Variants in PPFIA3 observed in about 807,000 individuals in gnomAD.
The protein encoded by PPFIA3 is liprin-alpha-3.
PPFIA3 carries 26 observed loss-of-function variants against 145.8 expected under a neutral mutation model. The observed-to-expected ratio is 0.18, with a 90% confidence interval of 0.13 to 0.25. The LOEUF (loss-of-function observed/expected upper bound fraction) is 0.25, where lower values mean the gene tolerates loss of function less well. Among genes scored for constraint, PPFIA3 ranks in the 10% least tolerant of loss-of-function variants. PPFIA3 has a pLI of 1.00. For synonymous variants in PPFIA3, 645 were observed against 661.4 expected (o/e 0.98, Z 0.38); for missense variants, 1,008 against 1,587.8 (o/e 0.63, Z 6.21).
In PPFIA3 at chr19:49,142,908, C is replaced by T; in HGVS notation, c.2649C>T (p.Ile883=). The T allele has an allele frequency of 6.2e-7, 1 of 1,613,902 alleles. No homozygotes were observed. The highest frequency in any genetic ancestry group is 1.7e-5 in the Admixed American group (1 of 60,010). ...CAGACACGGAGATCCAGCGCGAGAT[C>T]GGCATCAGCAACCCGCTGCACCGAC... ...NLSDTEIQRE[I]GISNPLHRLK... The change falls in exon 21 of 30, where the codon ATC becomes ATT. Residue 883 remains isoleucine, a synonymous_variant. Transcript: ENST00000334186.
At chr19:49,138,481 G>A in intron 16 of PPFIA3, 54 bp downstream of exon 16, 1 of 1,401,478 alleles carries the variant, frequency 7.1e-7, no homozygotes, top group Non-Finnish European at 9.4e-7. Flanking sequence ...GAGGTCAGAG[G>A]CAGGGCTCCC....
At chr19:49,136,654 A>G in intron 14 of PPFIA3, 70 bp from the exon 15 acceptor site, 1 of 1,124,532 alleles carries the variant, frequency 8.9e-7, no homozygotes, top group Non-Finnish European at 1.2e-6. Context: ...AGTCAGGATC[A>G]TGAGCCAAGA....
At position 49,130,246 on chromosome 19, in the gene PPFIA3, C is replaced by T. The variant is rs111849024; in HGVS notation, c.658-132C>T. 8.8e-7 allele frequency: 1 copy of T among 1,138,886 alleles called. No homozygotes were observed. The highest frequency in any genetic ancestry group is 1.6e-5 in the African/African-American group (1 of 64,102). 70.5% of individuals were successfully genotyped at this position (1,138,886 alleles called of 1,614,324 possible). On this transcript the variant is annotated intron_variant, in intron 6 of 29. Transcript: ENST00000334186. This position sits in a 1 kb window ranked among gnomAD's most constrained non-coding sequence, Gnocchi z 4.5. ...GAACTTCTGTGACCTCCTTCACTGA[C>T]CCCCGTGGACTCTGACCAGCATGAT... is the stretch of plus-strand genomic sequence containing the variant.
chr19:49,134,460 T>A (rs557371012), intron 11 of PPFIA3, among the ~76,000 whole-genome samples, 179 bp from the exon 12 acceptor site: 2 of 152,262 alleles, frequency 1.3e-5, no homozygotes, highest in East Asian at 3.9e-4. Context: ...GGACGTCGCA[T>A]CCCGGGGCTT....
At position 49,146,082 on chromosome 19, in the gene PPFIA3, C is replaced by A. The variant is rs905153132; in HGVS notation, c.2808+77C>A. On this transcript the variant is annotated intron_variant, in intron 22 of 29. Transcript: ENST00000334186. ...GTGGGGGCGGGGACCGAGTCTGTGG[C>A]CATCCCTAAGTCCGCTCCTTGCGTC... 3 of 1,606,238 alleles carry A rather than the reference C, an allele frequency of 1.9e-6. No homozygotes were observed. In the South Asian group the frequency reaches 3.3e-5, roughly 18 times the overall value.
chr19:49,143,465 C>T (rs62127948), intron 21 of PPFIA3, among the ~76,000 whole-genome samples: 3 of 152,056 alleles, frequency 2.0e-5, no homozygotes, highest in East Asian at 3.9e-4. Context: ...CCCTGCCTCC[C>T]GGGTTCAAGC....
At chr19:49,148,010 A>G in intron 23 of PPFIA3, 73 bp from the exon 24 acceptor site, 1 of 1,474,454 alleles carries the variant, frequency 6.8e-7, no homozygotes. Flanking sequence ...GGGAGGTTGG[A>G]CTGTACCCCT....
Position 49,129,395 on chromosome 19 carries a change from C to T in PPFIA3, c.523C>T (p.Arg175Trp), listed in dbSNP as rs1433421897. ...ALDEKVRERL[R>W]MALERVAVLE... ...CGATCCCCAGGTCCGGGAGCGGCTG[C>T]GGATGGCGCTGGAGCGCGTGGCAGT... Residue 175 changes from arginine (R) to tryptophan (W), a missense_variant, in exon 5 of 30, where the codon CGG becomes TGG. Physicochemically the swap from Arg to Trp is moderately radical, Grantham distance 101. Transcript: ENST00000334186. 2 of 1,550,698 alleles carry T rather than the reference C, an allele frequency of 1.3e-6. No individual in the cohort carries two copies. Among genetic ancestry groups the T allele is most frequent in the Non-Finnish European group, 8.7e-7 (1 of 1,147,408 alleles).
At chr19:49,142,703 C>G (rs1166635363) in intron 20 of PPFIA3, 101 bp from the exon 21 acceptor site, 2 of 1,034,296 alleles carry the variant, frequency 1.9e-6, no homozygotes, top group African/African-American at 1.6e-5. Flanking sequence ...TGTTTCGCTC[C>G]CCACCCCCTT....
In PPFIA3 at chr19:49,149,253, C is replaced by G; in HGVS notation, c.3286-4C>G. On this transcript the variant is annotated splice_polypyrimidine_tract_variant and splice_region_variant and intron_variant, in intron 26 of 29. Transcript: ENST00000334186. The surrounding 1 kb of genome is among the most constrained non-coding windows in gnomAD (Gnocchi z 5.7). ...CAACCGCCCCCTCCACCTCCTCTTT[C>G]CAGGCCCGGCAGCTTCTGGAGAAGG... 6.2e-7 allele frequency: 1 copy of G among 1,614,230 alleles called. No individual in the cohort carries two copies. Among genetic ancestry groups the G allele is most frequent in the Non-Finnish European group, 8.5e-7 (1 of 1,180,048 alleles).
At chr19:49,137,554 C>T (rs558574341) in intron 15 of PPFIA3, among the ~76,000 whole-genome samples, 28 of 139,178 alleles carry the variant, frequency 2.0e-4, no homozygotes, top group African/African-American at 6.9e-4. Flanking sequence ...GGCATGAACC[C>T]GGGAGGCGGA....
Position 49,146,424 on chromosome 19 carries a change from A to G in PPFIA3, c.2835+232A>G, listed in dbSNP as rs1488152377. 4 of 592,582 alleles carry G rather than the reference A, an allele frequency of 6.8e-6. No individual in the cohort carries two copies. The East Asian group carries it at 8.5e-5, about 13-fold the overall frequency. 36.7% of individuals were successfully genotyped at this position (592,582 alleles called of 1,614,324 possible). A position where few individuals can be genotyped will look rare whatever the true frequency, so the allele number is the denominator to read the frequency against. On this transcript the variant is annotated intron_variant, in intron 23 of 29. Transcript: ENST00000334186. ...GCATAGTCAGCCTTATGCATGGACC[A>G]TTTCATCATCGTGGGTTGTGGGGGC...
At chr19:49,144,933 T>TC (rs1384689371) in intron 21 of PPFIA3, among the ~76,000 whole-genome samples, 2 of 124,022 alleles carry the variant, frequency 1.6e-5, no homozygotes, top group African/African-American at 7.0e-5. Flanking sequence ...CTTTTCTTTC[T>TC]TTTTTTTTTT....
At chr19:49,134,234 C>G (rs2041110489) in intron 11 of PPFIA3, 69 bp downstream of exon 11, 2 of 1,533,378 alleles carry the variant, frequency 1.3e-6, no homozygotes, top group Admixed American at 2.1e-5. Flanking sequence ...TCCTGGGGCC[C>G]CAGGCCTTTC....
chr19:49,127,625 C>T (rs1206975818), intron 1 of PPFIA3, among the ~76,000 whole-genome samples: 1 of 151,832 alleles, frequency 6.6e-6, no homozygotes, highest in Non-Finnish European at 1.5e-5. Context: ...TAATAGGCCT[C>T]AGTTTCCCCT....
chr19:49,139,552 T>C, intron 16 of PPFIA3, 116 bp from the exon 17 acceptor site: 1 of 1,004,316 alleles, frequency 1.0e-6, no homozygotes, highest in Non-Finnish European at 1.4e-6. Flanking sequence ...TACCTTCGTA[T>C]ACTGTGTTCT....
Position 49,133,853 on chromosome 19 carries a change from G to A in PPFIA3, c.1219G>A (p.Glu407Lys). The A allele has an allele frequency of 6.2e-7, 1 of 1,613,252 alleles. No homozygotes were observed. Among genetic ancestry groups the A allele is most frequent in the Non-Finnish European group, 8.5e-7 (1 of 1,180,010 alleles). ...ERLRQLEAQL[E>K]EKNQELQRAR... Reference sequence around the variant, plus strand: ...GCTTCGGCAGCTGGAGGCCCAGCTGGAAGAGAAGAATCAAGAGCTGCAGCG... The same window carrying A: ...GCTTCGGCAGCTGGAGGCCCAGCTGAAAGAGAAGAATCAAGAGCTGCAGCG... The change falls in exon 10 of 30, where the codon GAA (glutamate) becomes AAA (lysine). Residue 407 changes from glutamate to lysine, a missense_variant. Coordinates refer to ENST00000334186, the MANE Select transcript of PPFIA3 (RefSeq NM_003660.4). This position sits in a 1 kb window ranked among gnomAD's most constrained non-coding sequence, Gnocchi z 7.2.
intron 14 of PPFIA3, 127 bp from the exon 15 acceptor site, chr19:49,136,597 T>A (rs1482373999): frequency 6.8e-6 from 4 of 589,538 alleles, no homozygotes; most frequent in Non-Finnish European, 7.6e-6. Flanking sequence ...ATAAATAAAA[T>A]AAAAAAAATA....
intron 18 of PPFIA3, 132 bp downstream of exon 18, chr19:49,140,220 A>C: frequency 8.1e-7 from 1 of 1,231,470 alleles, no homozygotes; most frequent in Non-Finnish European, 1.1e-6. Context: ...TAGAATTTGG[A>C]AGGAACACAG....
Sources: allele counts gnomAD v4.1 joint callset (sites outside exome capture counted in the v4.1 genomes callset), GRCh38; gene constraint gnomAD v4.1.1; non-coding constraint Gnocchi (gnomAD v3.1); transcripts MANE v1.5; gene names NCBI Gene and HGNC (gene_info 2026-07-23, HGNC 2026-07-21).